Variants in WDR27 observed in about 807,000 individuals in gnomAD.
The protein encoded by WDR27 is WD repeat-containing protein 27.
A neutral mutation model predicts 114.4 loss-of-function variants in WDR27; 100 were observed. The observed-to-expected ratio is 0.87, with a 90% CI of 0.74 to 1.03. WDR27 has a LOEUF of 1.03. Among genes scored for constraint, WDR27 ranks in the 50% least tolerant of loss-of-function variants. The pLI is 0.00. For missense variants in WDR27, 1,129 were observed against 1,092.9 expected, an observed-to-expected ratio of 1.03 and a Z score of -0.47; for synonymous variants, 449 against 423.1, an observed-to-expected ratio of 1.06 and a Z score of -0.75.
At chr6:169,546,505 G>A (rs1008205793) in intron 25 of WDR27, among the ~76,000 whole-genome samples, 4 of 152,156 alleles carry the variant, frequency 2.6e-5, no homozygotes, top group Non-Finnish European at 4.4e-5. Flanking sequence ...TAGGGCAGAT[G>A]TGTATCCACA....
intron 25 of WDR27, among the ~76,000 whole-genome samples, chr6:169,523,928 G>A (rs1433838114): frequency 6.6e-6 from 1 of 152,004 alleles, no homozygotes. Flanking sequence ...CATAGTCCTG[G>A]AAGCCCTGGC....
intron 22 of WDR27, among the ~76,000 whole-genome samples, chr6:169,602,711 G>C (rs1036508714): frequency 6.6e-6 from 1 of 151,936 alleles, no homozygotes; most frequent in African/African-American, 2.4e-5. Flanking sequence ...GGGTGGTTAA[G>C]TTTCACAACT....
At chr6:169,606,292 A>C (rs1193034330) in intron 22 of WDR27, among the ~76,000 whole-genome samples, 1 of 152,210 alleles carries the variant, frequency 6.6e-6, no homozygotes, top group East Asian at 1.9e-4. Flanking sequence ...AAAAGTGGGC[A>C]AAGGACATGA....
rs1334935360 is a variant in WDR27 at position 169,510,672 on chromosome 6, C to T, written c.2646-53038G>A. Among the ~76,000 whole-genome samples the T allele has an allele frequency of 7.9e-5, 12 of 151,582 alleles. No homozygotes were observed. The East Asian group carries it at 2.3e-3, about 29-fold the overall frequency. ...GGGAAGGATAGCATTAGGAGATATA[C>T]CTAATGCTAAATGACGAGTTAATGG... On this transcript the variant is annotated intron_variant, in intron 25 of 25. Transcript: ENST00000448612.
intron 25 of WDR27, among the ~76,000 whole-genome samples, chr6:169,553,450 A>T (rs893510724): frequency 1.3e-5 from 2 of 152,216 alleles, no homozygotes; most frequent in African/African-American, 4.8e-5. Flanking sequence ...TTAGAAATGG[A>T]GTGCCACAAA....
At chr6:169,572,875 C>T (rs536442779) in intron 24 of WDR27, among the ~76,000 whole-genome samples, 76 of 152,284 alleles carry the variant, frequency 5.0e-4, no homozygotes, top group African/African-American at 1.7e-3. Context: ...CATCAAAACA[C>T]TACTTATAGT....
intron 24 of WDR27, among the ~76,000 whole-genome samples, chr6:169,574,656 G>A (rs726792): frequency 0.29 from 44,039 of 151,964 alleles, 7,035 homozygotes; most frequent in African/African-American, 0.41. Flanking sequence ...TGAAGTCATG[G>A]AGAGGGTGCC....
chr6:169,649,275 A>G lies in WDR27; in HGVS notation c.1482T>C (p.His494=), dbSNP rs185255902. The change falls in exon 15 of 26, where the codon CAT becomes CAC. Residue 494 remains histidine, a splice_region_variant and synonymous_variant. Transcript: ENST00000448612. ...VRSSGYASAP[H]VTMFSPKTNI... ...TGGTCTTTGGTGAAAACATAGTTAC[A>G]CTGTGGAAAGAAAACTCTAATATCA... 8 of 1,566,708 alleles carry G rather than the reference A, an allele frequency of 5.1e-6. No individual in the cohort carries two copies. The highest frequency in any genetic ancestry group is 2.7e-5 in the African/African-American group (2 of 73,870).
intron 1 of WDR27, among the ~76,000 whole-genome samples, chr6:169,695,791 C>T (rs752034674): frequency 2.0e-5 from 3 of 152,140 alleles, no homozygotes; most frequent in Non-Finnish European, 4.4e-5. Flanking sequence ...ATCCTGGATT[C>T]TCTGGGTATA....
chr6:169,649,418 C>A (rs933111037), intron 14 of WDR27, 143 bp from the exon 15 acceptor site: 2 of 669,866 alleles, frequency 3.0e-6, no homozygotes, highest in South Asian at 3.6e-5. Flanking sequence ...CACCTGTCCT[C>A]CAGCCCTTAA....
chr6:169,521,282 T>C (rs1175990422), intron 25 of WDR27, among the ~76,000 whole-genome samples: 2 of 152,032 alleles, frequency 1.3e-5, no homozygotes, highest in African/African-American at 2.4e-5. Context: ...TCCAAGAATA[T>C]TGTCTCCATA....
Position 169,597,960 on chromosome 6 carries a change from C to CTT in WDR27, c.2424+4257_2424+4258dup, listed in dbSNP as rs11393060. Reference sequence around the variant, plus strand: ...TGGCCTTTGCCTGAAACATAGGTCTCTTTTTTTTTTTGTTTAGAAATGGCA... The same window carrying CTT: ...TGGCCTTTGCCTGAAACATAGGTCTCTTTTTTTTTTTTTGTTTAGAAATGGCA... On this transcript the variant is annotated intron_variant, in intron 23 of 25. Transcript: ENST00000448612. Among the ~76,000 whole-genome samples the CTT allele has an allele frequency of 1.1e-4, 16 of 144,928 alleles. 1 individual carries two copies. Among genetic ancestry groups the CTT allele is most frequent in the South Asian group, 6.5e-4 (3 of 4,584 alleles).
chr6:169,546,755 T>C (rs943952574), intron 25 of WDR27, among the ~76,000 whole-genome samples: 3 of 152,192 alleles, frequency 2.0e-5, no homozygotes, highest in Admixed American at 6.5e-5. Flanking sequence ...GAAAGAACTT[T>C]CTATGTAAAA....
Position 169,643,748 on chromosome 6 carries a change from G to C in WDR27, c.1696C>G (p.Leu566Val), listed in dbSNP as rs758716722. Residue 566 changes from leucine to valine, a missense_variant, in exon 17 of 26, where the codon CTG becomes GTG. Transcript: ENST00000448612. ...AGGCTGGCATCAAAAACGAGTAACA[G>C]ATGGTTGGCCAACCCACAGGCCAGC... ...QWLACGLANH[L>V]LLVFDASLTG... is the part of the protein sequence containing the mutation. 1 of 1,613,720 alleles carries C rather than the reference G, an allele frequency of 6.2e-7. No homozygotes were observed. Among genetic ancestry groups the C allele is most frequent in the Non-Finnish European group, 8.5e-7 (1 of 1,179,772 alleles).
Position 169,662,333 on chromosome 6 carries a change from G to C in WDR27, c.996C>G (p.Leu332=). ...CACATGCAGAATTTGGGATGAGTGA[G>C]AGATCACAGGGTGCAAGTCTCAGTA... ...FPVLRLAPCD[L]SLIPNSACGC... Residue 332 remains leucine, a synonymous_variant, in exon 9 of 26, where the codon CTC becomes CTG. Transcript: ENST00000448612. The C allele has an allele frequency of 1.2e-6, 2 of 1,613,958 alleles. No homozygotes were observed.
intron 14 of WDR27, among the ~76,000 whole-genome samples, chr6:169,651,233 G>A (rs1451405357): frequency 2.0e-5 from 3 of 147,354 alleles, no homozygotes; most frequent in Admixed American, 6.9e-5. Flanking sequence ...ACATGAAGAC[G>A]GGAGCTTGGT....
intron 25 of WDR27, among the ~76,000 whole-genome samples, chr6:169,486,482 TATTTCATTTC>T (rs113492770): frequency 6.6e-6 from 1 of 151,996 alleles, no homozygotes; most frequent in Non-Finnish European, 1.5e-5. Flanking sequence ...GGGTTATTTA[TATTTCATTTC>T]ATTTCATTTC....
chr6:169,664,633 C>A, intron 7 of WDR27: 1 of 1,094,214 alleles, frequency 9.1e-7, no homozygotes, highest in Non-Finnish European at 1.1e-6. Flanking sequence ...CCCACATGCC[C>A]TGGGTGAGAA....
intron 21 of WDR27, among the ~76,000 whole-genome samples, chr6:169,629,664 G>C (rs2473448): frequency 6.6e-6 from 1 of 152,116 alleles, no homozygotes; most frequent in Non-Finnish European, 1.5e-5. Context: ...CGGTGGCTCA[G>C]GCTTGTAATC....
Sources: gnomAD v4.1 joint callset for allele counts (sites outside exome capture counted in the v4.1 genomes callset) on GRCh38, gnomAD v4.1.1 for gene constraint, MANE v1.5 for transcripts, NCBI Gene and HGNC (gene_info 2026-07-23, HGNC 2026-07-21) for gene names.